Variants in ZNF143 observed in about 807,000 individuals in gnomAD.
ZNF143 encodes SPH-binding factor.
A neutral mutation model predicts 74.1 loss-of-function variants in ZNF143; 49 were observed. The ratio of observed to expected loss-of-function variants is 0.66; its 90% confidence interval spans 0.53 to 0.84. ZNF143 has a LOEUF of 0.84. Ranked by LOEUF, ZNF143 falls within the 40% of genes least tolerant of loss-of-function variation. The pLI is 0.00. For missense variants in ZNF143, 637 were observed against 793.4 expected (o/e 0.80, Z 2.37); for synonymous variants, 304 against 282.8 (o/e 1.07, Z -0.75).
intron 12 of ZNF143, among the ~76,000 whole-genome samples, chr11:9,511,524 G>A (rs1397567584): frequency 2.7e-5 from 4 of 149,908 alleles, no homozygotes; most frequent in African/African-American, 7.4e-5. Context: ...GGATGGTCTC[G>A]ATCTCCTGAC....
chr11:9,461,908 T>C (rs1344541494), intron 1 of ZNF143: 1 of 152,240 alleles, frequency 6.6e-6, no homozygotes, highest in Non-Finnish European at 1.5e-5. Context: ...CAGCCTTTGC[T>C]TTGGAAGTGT....
intron 7 of ZNF143, among the ~76,000 whole-genome samples, chr11:9,480,917 T>C (rs1847211836): frequency 6.6e-6 from 1 of 151,096 alleles, no homozygotes; most frequent in Admixed American, 6.6e-5. Flanking sequence ...GAAAAAGAAA[T>C]ATTATGCTTC....
chr11:9,486,421 T>TA (rs1554964457), intron 7 of ZNF143, among the ~76,000 whole-genome samples: 393 of 18,230 alleles, frequency 0.022, 13 homozygotes, highest in Non-Finnish European at 0.04. Flanking sequence ...TAATATATAT[T>TA]ATATATATTA....
rs1266894156 is a variant in ZNF143, at chr11:9,478,482, A to G, written c.466A>G (p.Thr156Ala). Reference sequence around the variant, plus strand: ...TGCAGTGCAAGTCCCGCAGTCTGACACCATCTTGGCAATTCAGGCTGATGG... The same window carrying G: ...TGCAGTGCAAGTCCCGCAGTCTGACGCCATCTTGGCAATTCAGGCTGATGG... Reference protein sequence around the residue: ...HHAVQVPQSDTILAIQADGTV... With the variant: ...HHAVQVPQSDAILAIQADGTV... The change falls in exon 6 of 16, where the codon ACC (threonine) becomes GCC (alanine). Residue 156 changes from threonine (T) to alanine (A), a missense_variant. Transcript: ENST00000396602. 15 of 1,614,078 alleles carry G rather than the reference A, an allele frequency of 9.3e-6. No homozygotes were observed. In the East Asian group the frequency reaches 3.3e-4, roughly 36 times the overall value.
At chr11:9,498,249 C>T (rs1848039353) in intron 10 of ZNF143, among the ~76,000 whole-genome samples, 1 of 152,202 alleles carries the variant, frequency 6.6e-6, no homozygotes, top group Non-Finnish European at 1.5e-5. Context: ...GCTGTATATG[C>T]ATGTCTGCTG....
chr11:9,485,947 A>G (rs573988830), intron 7 of ZNF143, among the ~76,000 whole-genome samples: 4 of 151,420 alleles, frequency 2.6e-5, no homozygotes, highest in East Asian at 1.9e-4. Context: ...CTCTCACTCT[A>G]TAATTACAGA....
chr11:9,476,845 C>T (rs1164605013), intron 5 of ZNF143, among the ~76,000 whole-genome samples: 34 of 138,774 alleles, frequency 2.5e-4, no homozygotes, highest in Admixed American at 7.1e-4. Context: ...CTGCAAGCTC[C>T]GCCTCCTGGG....
intron 12 of ZNF143, among the ~76,000 whole-genome samples, chr11:9,511,849 T>G (rs1848561313): frequency 6.6e-6 from 1 of 151,016 alleles, no homozygotes. Context: ...CCTCCCGGGT[T>G]CATGCCATTC....
In ZNF143 at chr11:9,461,091, G is replaced by T; in HGVS notation, c.-8+15G>T. The T allele has an allele frequency of 3.0e-6, 3 of 985,762 alleles. No individual in the cohort carries two copies. Among genetic ancestry groups the T allele is most frequent in the Non-Finnish European group, 3.6e-6 (3 of 829,862 alleles). The allele number at this position is 985,762 out of a possible 1,614,324, so 61.1% of individuals were successfully genotyped here. A position where few individuals can be genotyped will look rare whatever the true frequency, so the allele number is the denominator to read the frequency against. On this transcript the variant is annotated intron_variant, in intron 1 of 15. Transcript: ENST00000396602. ...TTTTCTCGGAGGTTCGTATATAAATGTGTTTTTACCCAGTGTGCATTATTC... is the reference window on the plus strand; with the variant it reads ...TTTTCTCGGAGGTTCGTATATAAATTTGTTTTTACCCAGTGTGCATTATTC...
At position 9,527,544 on chromosome 11, in the gene ZNF143, A is replaced by G. The variant is rs1849173132; in HGVS notation, c.1848A>G (p.Pro616=). ...TCCTGTTTCAGCTTGGAGAACAGCC[A>G]TCTCTGGAAGAAGCCATCAGAATAG... is the stretch of plus-strand genomic sequence containing the variant. ...TQIAVQLGEQ[P]SLEEAIRIAS... The change falls in exon 16 of 16, where the codon CCA becomes CCG. Residue 616 remains proline (P), a synonymous_variant. Coordinates refer to ENST00000396602, the MANE Select transcript of ZNF143 (RefSeq NM_003442.6). The G allele has an allele frequency of 6.2e-7, 1 of 1,613,998 alleles. No homozygotes were observed. The highest frequency in any genetic ancestry group is 1.3e-5 in the African/African-American group (1 of 74,918).
At chr11:9,521,289 CCT>C (rs762660873) in intron 14 of ZNF143, among the ~76,000 whole-genome samples, 2 of 152,096 alleles carry the variant, frequency 1.3e-5, no homozygotes, top group Admixed American at 1.3e-4. Context: ...CCCTTAAAAT[CCT>C]CTGTGACAAT....
chr11:9,513,633 C>T (rs762791640), intron 13 of ZNF143, among the ~76,000 whole-genome samples: 4 of 152,342 alleles, frequency 2.6e-5, no homozygotes, highest in South Asian at 2.1e-4. Context: ...CGGAGGCTTA[C>T]GCCTATAATC....
rs111227814 is a variant in ZNF143, at chr11:9,498,854, C to A, written c.967+1054C>A. Among the ~76,000 whole-genome samples the A allele has an allele frequency of 2.2e-3, 331 of 152,278 alleles. 2 individuals are homozygous for A. The highest frequency in any genetic ancestry group is 3.9e-3 in the Non-Finnish European group (264 of 68,030). ...AGCTAATTTCCATGTAGGATTCTTG[C>A]AGCTATTAATGTTTAACCTGCAGCT... On this transcript the variant is annotated intron_variant, in intron 10 of 15. Coordinates refer to ENST00000396602, the MANE Select transcript of ZNF143 (RefSeq NM_003442.6).
chr11:9,463,593 G>T (rs1381761422), intron 1 of ZNF143, among the ~76,000 whole-genome samples: 2 of 152,158 alleles, frequency 1.3e-5, no homozygotes, highest in African/African-American at 4.8e-5. Context: ...ATGTCTGTTT[G>T]AATTCTTTAC....
chr11:9,472,764 C>G lies in ZNF143; in HGVS notation c.200C>G (p.Ser67Cys). Reference protein sequence around the residue: ...DGSTAYIQHNSKDAKLIDGQV... With the variant: ...DGSTAYIQHNCKDAKLIDGQV... The stretch of plus-strand genomic sequence containing the variant: ...TCTACTGCTTACATACAACACAATT[C>G]TAAAGGTATGTGCCTCACATATGGC... The change falls in exon 3 of 16, where the codon TCT (serine) becomes TGT (cysteine). Residue 67 changes from serine to cysteine, a missense_variant. Ser to Cys is a moderately radical substitution (Grantham distance 112). Around this residue, in one of 2 missense-constraint regions of ZNF143, gnomAD observed 293 missense variants for 307.8 expected, o/e 0.95. Coordinates refer to ENST00000396602, the MANE Select transcript of ZNF143 (RefSeq NM_003442.6). The G allele has an allele frequency of 3.8e-6, 6 of 1,575,394 alleles. No homozygotes were observed. Among genetic ancestry groups the G allele is most frequent in the Non-Finnish European group, 5.2e-6 (6 of 1,164,866 alleles).
chr11:9,494,527 T>C, intron 7 of ZNF143, 119 bp from the exon 8 acceptor site: 2 of 957,618 alleles, frequency 2.1e-6, no homozygotes, highest in Non-Finnish European at 3.1e-6. Context: ...CCCAGGCTGC[T>C]CTTGAACTCC....
intron 13 of ZNF143, among the ~76,000 whole-genome samples, chr11:9,514,061 TA>T (rs1172420730): frequency 2.0e-5 from 3 of 152,078 alleles, no homozygotes; most frequent in Non-Finnish European, 2.9e-5. Flanking sequence ...CCTGGCTAAT[TA>T]AAAAAACATG....
At chr11:9,487,924 C>G (rs1166734087) in intron 7 of ZNF143, among the ~76,000 whole-genome samples, 1 of 152,100 alleles carries the variant, frequency 6.6e-6, no homozygotes. Flanking sequence ...ATTTTTTCCC[C>G]TAAAACATCT....
At chr11:9,510,952 C>T (rs1181902710) in intron 12 of ZNF143, among the ~76,000 whole-genome samples, 1 of 152,082 alleles carries the variant, frequency 6.6e-6, no homozygotes, top group Non-Finnish European at 1.5e-5. Flanking sequence ...ATTGTCTTTA[C>T]ACAGTGAGGT....
Sources: allele counts gnomAD v4.1 joint callset (sites outside exome capture counted in the v4.1 genomes callset), GRCh38; gene constraint gnomAD v4.1.1; regional missense constraint gnomAD v4.1.1; transcripts MANE v1.5; gene names NCBI Gene and HGNC (gene_info 2026-07-23, HGNC 2026-07-21).